Variants in XKR7 observed in about 807,000 individuals in gnomAD.
XKR7 encodes the protein XK related 7.
In XKR7, 11 loss-of-function variants were observed where a neutral mutation model predicts 42.2. The observed-to-expected ratio is 0.26, with a 90% CI of 0.16 to 0.43. XKR7 has a LOEUF of 0.43. Among genes scored for constraint, XKR7 ranks in the 20% least tolerant of loss-of-function variants. XKR7 has a pLI of 1.00. For synonymous variants in XKR7, 346 were observed against 366.4 expected (o/e 0.94, Z 0.64); for missense variants, 710 against 802.2 (o/e 0.89, Z 1.39).
Position 31,968,632 on chromosome 20 carries a change from G to T in XKR7, c.457G>T (p.Gly153Cys). 6.3e-6 allele frequency: 10 copies of T among 1,594,876 alleles called. No homozygotes were observed. The highest frequency in any genetic ancestry group is 6.8e-6 in the Non-Finnish European group (8 of 1,176,218). ...CGCCGGCGCCTTCCGGACCAAAGAA[G>T]GCAGCCCCGAGCCGGGTCCCCAGCC... ...DSAGAFRTKE[G>C]SPEPGPQPAP... The change falls in exon 1 of 3, where the codon GGC (glycine) becomes TGC (cysteine). Residue 153 changes from glycine to cysteine, a missense_variant. Physicochemically the swap from Gly to Cys is radical, Grantham distance 159. This residue lies in a region of XKR7 where 708 missense variants were observed against 786.2 expected (regional missense o/e 0.90). Transcript: ENST00000562532. The surrounding 1 kb of genome is among the most constrained non-coding windows in gnomAD (Gnocchi z 4.5).
intron 1 of XKR7, among the ~76,000 whole-genome samples, chr20:31,990,466 T>G (rs1242692561): frequency 2.0e-5 from 3 of 152,150 alleles, no homozygotes; most frequent in Non-Finnish European, 1.5e-5. Context: ...CTACCTTTCC[T>G]CCCTCATCCT....
chr20:31,995,136 A>C lies in XKR7; in HGVS notation c.653A>C (p.Tyr218Ser), dbSNP rs1174327127. Residue 218 changes from tyrosine to serine, a missense_variant, in exon 2 of 3, where the codon TAC becomes TCC. This residue lies in a region of XKR7 where 708 missense variants were observed against 786.2 expected (regional missense o/e 0.90). Coordinates refer to ENST00000562532, the MANE Select transcript of XKR7 (RefSeq NM_001011718.2). This position sits in a 1 kb window ranked among gnomAD's most constrained non-coding sequence, Gnocchi z 4.1. ...GGGGAGCGGCTGCGGCGCCACTTCT[A>C]CTGGCAGATGCTGTTCGAGAGCGCC... The part of the protein sequence containing the change: ...WRGERLRRHF[Y>S]WQMLFESADV... 11 of 1,558,990 alleles carry C rather than the reference A, an allele frequency of 7.1e-6. No individual in the cohort carries two copies. The highest frequency in any genetic ancestry group is 9.5e-6 in the Non-Finnish European group (11 of 1,152,026).
chr20:31,993,517 C>T (rs1404939771), intron 1 of XKR7, among the ~76,000 whole-genome samples: 1 of 152,124 alleles, frequency 6.6e-6, no homozygotes, highest in East Asian at 1.9e-4. Context: ...CTTCAGAGTC[C>T]CTTCTATACC....
At chr20:31,980,708 T>C (rs544677855) in intron 1 of XKR7, among the ~76,000 whole-genome samples, 1 of 152,176 alleles carries the variant, frequency 6.6e-6, no homozygotes, top group African/African-American at 2.4e-5. Context: ...CATGCAGAAG[T>C]GGTATCTAAT....
Position 31,995,211 on chromosome 20 carries a change from A to G in XKR7, c.728A>G (p.Gln243Arg). ...LLETFLRSAP[Q>R]LVLQLSLLVH... is the part of the protein sequence containing the mutation. ...GAGACCTTCCTGCGCAGCGCGCCGC[A>G]GCTAGTGCTGCAGCTCAGCCTGCTG... Residue 243 changes from glutamine to arginine, a missense_variant, in exon 2 of 3, where the codon CAG becomes CGG. By Grantham distance (43) the Gln-to-Arg change is conservative (BLOSUM62 1). Around this residue, in one of 2 missense-constraint regions of XKR7, gnomAD observed 708 missense variants for 786.2 expected, o/e 0.90. Transcript: ENST00000562532. The surrounding 1 kb of genome is among the most constrained non-coding windows in gnomAD (Gnocchi z 4.1). 1 of 1,545,828 alleles carries G rather than the reference A, an allele frequency of 6.5e-7. No homozygotes were observed. The highest frequency in any genetic ancestry group is 8.7e-7 in the Non-Finnish European group (1 of 1,146,262).
intron 1 of XKR7, among the ~76,000 whole-genome samples, chr20:31,976,625 T>C (rs1376400484): frequency 6.6e-6 from 1 of 152,170 alleles, no homozygotes; most frequent in African/African-American, 2.4e-5. Context: ...CCTCAGGCGA[T>C]CCACCTGCCT....
chr20:31,997,137 A>G lies in XKR7; in HGVS notation c.1420A>G (p.Arg474Gly), dbSNP rs749615615. ...CGCTGACGCCATCACGAGTCCCCCC[A>G]GGTCCCTGCCAAGGACTACAGGTGC... Reference protein sequence around the residue: ...PPADAITSPPRSLPRTTGAER... With the variant: ...PPADAITSPPGSLPRTTGAER... Residue 474 changes from arginine to glycine, a missense_variant, in exon 3 of 3, where the codon AGG becomes GGG. Physicochemically the swap from Arg to Gly is moderately radical, Grantham distance 125 (BLOSUM62 -2). Around this residue, in one of 2 missense-constraint regions of XKR7, gnomAD observed 708 missense variants for 786.2 expected, o/e 0.90. Coordinates refer to ENST00000562532, the MANE Select transcript of XKR7 (RefSeq NM_001011718.2). The G allele has an allele frequency of 6.2e-7, 1 of 1,612,240 alleles. No individual in the cohort carries two copies. The highest frequency in any genetic ancestry group is 8.5e-7 in the Non-Finnish European group (1 of 1,179,994).
intron 1 of XKR7, among the ~76,000 whole-genome samples, chr20:31,979,850 A>G (rs929081506): frequency 1.3e-5 from 2 of 152,118 alleles, no homozygotes; most frequent in African/African-American, 4.8e-5. Flanking sequence ...GGGCTAGAGT[A>G]TGGGGTCCTG....
At chr20:31,992,783 G>A (rs577609317) in intron 1 of XKR7, among the ~76,000 whole-genome samples, 34 of 152,166 alleles carry the variant, frequency 2.2e-4, no homozygotes, top group Non-Finnish European at 4.6e-4. Flanking sequence ...TATTCACTCT[G>A]AAAGGATCTC....
chr20:31,989,202 G>T (rs1263675497), intron 1 of XKR7, among the ~76,000 whole-genome samples: 6 of 152,108 alleles, frequency 3.9e-5, no homozygotes, highest in African/African-American at 7.2e-5. Flanking sequence ...GGGAGGATCT[G>T]GGAAAGGGGT....
intron 1 of XKR7, among the ~76,000 whole-genome samples, chr20:31,973,162 G>T (rs1442670652): frequency 1.3e-5 from 2 of 152,198 alleles, no homozygotes; most frequent in African/African-American, 2.4e-5. Flanking sequence ...TGCTGGCAAT[G>T]ATTAGTGCAT....
chr20:31,996,478 C>CCAAA, intron 2 of XKR7, 27 bp from the exon 3 acceptor site: 1 of 539,856 alleles, frequency 1.9e-6, no homozygotes, highest in Non-Finnish European at 2.9e-6. Context: ...TAACCCAGCC[C>CCAAA]ACCCCGCCCC....
chr20:31,990,173 T>C (rs2064563518), intron 1 of XKR7, among the ~76,000 whole-genome samples: 1 of 144,704 alleles, frequency 6.9e-6, no homozygotes, highest in African/African-American at 2.6e-5. Flanking sequence ...ATTTTTAAAT[T>C]CATTGCGTGT....
rs896583314 is a variant in XKR7, at chr20:31,968,471, T to C, written c.296T>C (p.Leu99Pro). 1 of 1,614,038 alleles carries C rather than the reference T, an allele frequency of 6.2e-7. No homozygotes were observed. The highest frequency in any genetic ancestry group is 8.5e-7 in the Non-Finnish European group (1 of 1,179,938). Reference sequence around the variant, plus strand: ...AGCCTCACCTTGCTGTTCGTGCTCCTGCCCTCGCTGGTCGTGCAGTTACTG... The same window carrying C: ...AGCCTCACCTTGCTGTTCGTGCTCCCGCCCTCGCTGGTCGTGCAGTTACTG... ...YFSLTLLFVL[L>P]PSLVVQLLSF... Residue 99 changes from leucine to proline, a missense_variant, in exon 1 of 3, where the codon CTG becomes CCG. Coordinates refer to ENST00000562532, the MANE Select transcript of XKR7 (RefSeq NM_001011718.2). This position sits in a 1 kb window ranked among gnomAD's most constrained non-coding sequence, Gnocchi z 4.5.
rs983860474 is a variant in XKR7 at position 31,995,744 on chromosome 20, G to A, written c.787+474G>A. Among the ~76,000 whole-genome samples, 4 of 151,652 alleles carry A rather than the reference G, an allele frequency of 2.6e-5. No individual in the cohort carries two copies. The highest frequency in any genetic ancestry group is 7.3e-5 in the African/African-American group (3 of 41,226). On this transcript the variant is annotated intron_variant, in intron 2 of 2. Coordinates refer to ENST00000562532, the MANE Select transcript of XKR7 (RefSeq NM_001011718.2). The surrounding 1 kb of genome is among the most constrained non-coding windows in gnomAD (Gnocchi z 4.1). The stretch of plus-strand genomic sequence containing the variant: ...CCCCTTCACTGGGGGGCCCCGGGGG[G>A]CCCTCCCAGGCCTAGTCCTGGCACC...
chr20:31,968,787 G>A lies in XKR7; in HGVS notation c.584+28G>A. On this transcript the variant is annotated intron_variant, in intron 1 of 2. Transcript: ENST00000562532. This position sits in a 1 kb window ranked among gnomAD's most constrained non-coding sequence, Gnocchi z 4.5. ...AGGAGAAGCGCAGGTGGAGGGACCT[G>A]AGCCCGAGGAGTGGGGGTGGCGAAG... The A allele has an allele frequency of 6.8e-7, 1 of 1,463,134 alleles. No homozygotes were observed. The highest frequency in any genetic ancestry group is 1.4e-5 in the South Asian group (1 of 71,492). The allele number at this position is 1,463,134 out of a possible 1,614,324, so 90.6% of individuals were successfully genotyped here.
At position 31,968,798 on chromosome 20, in the gene XKR7, G is replaced by C. The variant is rs1172900777; in HGVS notation, c.584+39G>C. On this transcript the variant is annotated intron_variant, in intron 1 of 2. Transcript: ENST00000562532. This position sits in a 1 kb window ranked among gnomAD's most constrained non-coding sequence, Gnocchi z 4.5. ...AGGTGGAGGGACCTGAGCCCGAGGA[G>C]TGGGGGTGGCGAAGGGCTACCTGAC... The C allele has an allele frequency of 6.9e-7, 1 of 1,455,376 alleles. No homozygotes were observed. Among genetic ancestry groups the C allele is most frequent in the East Asian group, 2.4e-5 (1 of 41,268 alleles). 90.2% of individuals were successfully genotyped at this position (1,455,376 alleles called of 1,614,324 possible). A position where few individuals can be genotyped will look rare whatever the true frequency, so the allele number is the denominator to read the frequency against.
In XKR7 at chr20:31,995,219, C is replaced by T. The variant is rs1327958341; in HGVS notation, c.736C>T (p.Leu246=). 10 of 1,544,814 alleles carry T rather than the reference C, an allele frequency of 6.5e-6. No individual in the cohort carries two copies. Among genetic ancestry groups the T allele is most frequent in the Middle Eastern group, 1.9e-4 (1 of 5,288 alleles). ...CCTGCGCAGCGCGCCGCAGCTAGTG[C>T]TGCAGCTCAGCCTGCTGGTGCACCG... ...TFLRSAPQLV[L]QLSLLVHRGG... is the part of the protein sequence containing the mutation. The change falls in exon 2 of 3, where the codon CTG becomes TTG. Residue 246 remains leucine, a synonymous_variant. Coordinates refer to ENST00000562532, the MANE Select transcript of XKR7 (RefSeq NM_001011718.2). This position sits in a 1 kb window ranked among gnomAD's most constrained non-coding sequence, Gnocchi z 4.1.
chr20:31,984,343 G>C (rs2064527672), intron 1 of XKR7, among the ~76,000 whole-genome samples: 1 of 152,160 alleles, frequency 6.6e-6, no homozygotes. Flanking sequence ...TGAAGACAAG[G>C]CTTGAAGAGG....
Sources: gnomAD v4.1 joint callset for allele counts (sites outside exome capture counted in the v4.1 genomes callset) on GRCh38, gnomAD v4.1.1 for gene constraint, gnomAD v4.1.1 regional missense constraint, Gnocchi (gnomAD v3.1) non-coding constraint, MANE v1.5 for transcripts, NCBI Gene and HGNC (gene_info 2026-07-23, HGNC 2026-07-21) for gene names.